The following HEPH variants were observed in gnomAD, a reference collection of about 807,000 sequenced individuals.
The protein encoded by HEPH is hephaestin.
A neutral mutation model predicts 80.8 loss-of-function variants in HEPH; 69 were observed. The observed-to-expected ratio is 0.85, with a 90% CI of 0.70 to 1.04. HEPH has a LOEUF of 1.04. HEPH is among the 50% of genes least tolerant of loss of function. The pLI is 0.00. For synonymous variants in HEPH, 431 were observed against 322.8 expected (o/e 1.34, Z -3.60); for missense variants, 1,115 against 891.3 (o/e 1.25, Z -3.20).
At position 66,263,636 on chromosome X, in the gene HEPH, C is replaced by T. The variant is rs185344300; in HGVS notation, c.3200-8C>T. The stretch of plus-strand genomic sequence containing the variant: ...GGCTAACCTCTTGTCTTTTTTCCCC[C>T]CAACCAGAACACTTAAGCCCTCTCA... On this transcript the variant is annotated splice_polypyrimidine_tract_variant and splice_region_variant and intron_variant, in intron 19 of 20. Transcript: ENST00000343002. 1 of 1,209,406 alleles carries T rather than the reference C, an allele frequency of 8.3e-7. No homozygotes were observed. The highest frequency in any genetic ancestry group is 1.1e-6 in the Non-Finnish European group (1 of 894,039).
At chrX:66,179,548 A>G (rs1405310979) in intron 4 of HEPH, among the ~76,000 whole-genome samples, 1 of 111,325 alleles carries the variant, frequency 9.0e-6, no homozygotes. Context: ...GTATTGGATG[A>G]AATATTCTGT....
Position 66,200,760 on chromosome X carries a change from C to A in HEPH, c.2077+8C>A, listed in dbSNP as rs1051263067. The stretch of plus-strand genomic sequence containing the variant: ...TGCAGCCTGACAACCTTGGTAAGTG[C>A]CTTAGCAGCTGGCCCTAGAGGCTTT... On this transcript the variant is annotated splice_region_variant and intron_variant, in intron 12 of 20. Coordinates refer to ENST00000343002, the MANE Select transcript of HEPH (RefSeq NM_001367233.3). The A allele has an allele frequency of 1.1e-5, 13 of 1,197,134 alleles. No individual in the cohort carries two copies. The highest frequency in any genetic ancestry group is 1.7e-5 in the African/African-American group (1 of 57,527).
At chrX:66,254,990 A>C in intron 15 of HEPH, 45 bp from the exon 16 acceptor site, 1 of 957,953 alleles carries the variant, frequency 1.0e-6, no homozygotes, top group South Asian at 2.2e-5. Flanking sequence ...AGTTGAGAGA[A>C]ATTTCTGACC....
chrX:66,172,358 G>A lies in HEPH; in HGVS notation c.171G>A (p.Val57=), dbSNP rs376622242. 3 of 1,186,444 alleles carry A rather than the reference G, an allele frequency of 2.5e-6. No homozygotes were observed. Among genetic ancestry groups the A allele is most frequent in the Non-Finnish European group, 3.4e-6 (3 of 883,535 alleles). ...GACTCTTTTTCTTCTTTCCCAGAGT[G>A]GCTTCCAGCTTCTTAAAGTCTGACA... ...ITNQPLDSDI[V]ASSFLKSDKN... Residue 57 remains valine (V), a synonymous_variant, in exon 3 of 21, where the codon GTG becomes GTA. Coordinates refer to ENST00000343002, the MANE Select transcript of HEPH (RefSeq NM_001367233.3).
chrX:66,194,394 A>T (rs1351286577), intron 8 of HEPH, among the ~76,000 whole-genome samples: 2 of 111,314 alleles, frequency 1.8e-5, no homozygotes. Context: ...AGTCTTTGAG[A>T]TGAGGTGAAA....
rs866730147 is a variant in HEPH at position 66,203,416 on chromosome X, G to T, written c.2130G>T (p.Arg710Ser). 4 of 1,210,460 alleles carry T rather than the reference G, an allele frequency of 3.3e-6. No homozygotes were observed. In the Middle Eastern group the frequency reaches 9.4e-4, roughly 284 times the overall value. Reference protein sequence around the residue: ...QAGSHREAGMRAIYNVSQCPG... With the variant: ...QAGSHREAGMSAIYNVSQCPG... ...GCAGCCATCGAGAAGCAGGGATGAG[G>T]GCAATCTATAATGTCTCCCAGTGTC... Residue 710 changes from arginine (R) to serine (S), a missense_variant, in exon 13 of 21, where the codon AGG (arginine) becomes AGT (serine). Physicochemically the swap from Arg to Ser is moderately radical, Grantham distance 110. Around this residue, in one of 3 missense-constraint regions of HEPH, gnomAD observed 716 missense variants for 523.5 expected, o/e 1.37. Transcript: ENST00000343002.
intron 15 of HEPH, among the ~76,000 whole-genome samples, chrX:66,217,148 G>A (rs2089434019): frequency 9.0e-6 from 1 of 111,292 alleles, no homozygotes; most frequent in South Asian, 3.8e-4. Flanking sequence ...CCTTGCTAGA[G>A]ATCTAGACAC....
rs373532635 is a variant in HEPH, at chrX:66,204,834, A to G, written c.2291+1257A>G. Among the ~76,000 whole-genome samples the G allele has an allele frequency of 4.2e-4, 47 of 112,365 alleles. No individual in the cohort carries two copies. In the East Asian group the frequency reaches 5.8e-3, roughly 14 times the overall value. ...TATAATTTAAAAAAAAGAAAAAGGA[A>G]AAGAGATATTTACATCAGTTTTTTA... On this transcript the variant is annotated intron_variant, in intron 13 of 20. Transcript: ENST00000343002.
intron 15 of HEPH, among the ~76,000 whole-genome samples, chrX:66,219,852 A>T (rs2089564110): frequency 9.0e-6 from 1 of 110,864 alleles, no homozygotes. Flanking sequence ...AGTATAATCC[A>T]GTGGGGGCTG....
At chrX:66,259,394 A>T (rs2091282588) in intron 18 of HEPH, among the ~76,000 whole-genome samples, 1 of 111,935 alleles carries the variant, frequency 8.9e-6, no homozygotes, top group African/African-American at 3.2e-5. Flanking sequence ...TTTTGAAAAC[A>T]GTTTAGTCTT....
intron 4 of HEPH, 42 bp from the exon 5 acceptor site, chrX:66,188,317 A>C: frequency 9.5e-7 from 1 of 1,048,052 alleles, no homozygotes; most frequent in South Asian, 2.4e-5. Context: ...ACTATTGCTA[A>C]GGAAAGGATC....
intron 15 of HEPH, among the ~76,000 whole-genome samples, chrX:66,233,506 G>A (rs778093078): frequency 7.2e-5 from 8 of 111,467 alleles, no homozygotes; most frequent in Non-Finnish European, 5.7e-5. Flanking sequence ...GGATTTATGA[G>A]CACTGGGCTT....
At chrX:66,212,065 G>A (rs2089158414) in intron 15 of HEPH, among the ~76,000 whole-genome samples, 1 of 109,649 alleles carries the variant, frequency 9.1e-6, no homozygotes, top group Non-Finnish European at 1.9e-5. Context: ...TGTCATTGTG[G>A]TTTTAATGTG....
At chrX:66,207,706 C>T (rs980007873) in intron 14 of HEPH, among the ~76,000 whole-genome samples, 15 of 111,174 alleles carry the variant, frequency 1.3e-4, no homozygotes, top group African/African-American at 4.9e-4. Flanking sequence ...AGGTGGTTTC[C>T]CCCTTATTCT....
chrX:66,233,084 G>A (rs1365032850), intron 15 of HEPH, among the ~76,000 whole-genome samples: 1 of 111,629 alleles, frequency 9.0e-6, no homozygotes, highest in East Asian at 2.8e-4. Flanking sequence ...TAAAAATGCA[G>A]CATATTATAA....
chrX:66,221,081 G>A (rs952824224), intron 15 of HEPH, among the ~76,000 whole-genome samples: 9 of 111,557 alleles, frequency 8.1e-5, no homozygotes, highest in African/African-American at 2.6e-4. Flanking sequence ...ATGAGTCCCC[G>A]CAATGAGTTT....
At chrX:66,206,673 C>T (rs2088797846) in intron 13 of HEPH, among the ~76,000 whole-genome samples, 1 of 109,628 alleles carries the variant, frequency 9.1e-6, no homozygotes, top group Non-Finnish European at 1.9e-5. Context: ...GGCATACCTG[C>T]CAACTTTAAT....
chrX:66,211,003 A>G (rs1364234413), intron 15 of HEPH, among the ~76,000 whole-genome samples: 1 of 111,695 alleles, frequency 9.0e-6, no homozygotes, highest in Non-Finnish European at 1.9e-5. Context: ...CTGTACGGAT[A>G]GAAGATTATC....
At chrX:66,240,007 A>G (rs2090510726) in intron 15 of HEPH, among the ~76,000 whole-genome samples, 2 of 111,840 alleles carry the variant, frequency 1.8e-5, no homozygotes, top group Non-Finnish European at 3.8e-5. Flanking sequence ...AAACAAACAC[A>G]TCAAACAAAC....
Sources: gnomAD v4.1 joint callset for allele counts (sites outside exome capture counted in the v4.1 genomes callset) on GRCh38, gnomAD v4.1.1 for gene constraint, gnomAD v4.1.1 regional missense constraint, MANE v1.5 for transcripts, NCBI Gene and HGNC (gene_info 2026-07-23, HGNC 2026-07-21) for gene names.